KNTC1: variants seen among roughly 807,000 people sequenced by gnomAD.
The protein encoded by KNTC1 is kinetochore-associated protein 1.
A neutral mutation model predicts 314.4 loss-of-function variants in KNTC1; 253 were observed. The observed-to-expected ratio is 0.80, with a 90% CI of 0.73 to 0.89. The LOEUF (loss-of-function observed/expected upper bound fraction) is 0.89. Ranked by LOEUF, KNTC1 falls within the 40% of genes least tolerant of loss-of-function variation. The probability of loss-of-function intolerance (pLI) is 0.00; values close to 1 mark genes in which losing one functional copy is unlikely to be tolerated. For synonymous variants in KNTC1, 901 were observed against 901.4 expected (o/e 1.00, Z 0.01); for missense variants, 2,475 against 2,572.9 (o/e 0.96, Z 0.82).
intron 20 of KNTC1, among the ~76,000 whole-genome samples, chr12:122,567,142 C>T (rs1017782460): frequency 2.6e-5 from 4 of 152,094 alleles, no homozygotes; most frequent in Middle Eastern, 3.4e-3. Flanking sequence ...GACATGATCT[C>T]GGCTCACTGC....
chr12:122,624,485 C>T lies in KNTC1; in HGVS notation c.6516-113C>T, dbSNP rs899784315. The T allele has an allele frequency of 1.1e-5, 7 of 637,182 alleles. No individual in the cohort carries two copies. In the East Asian group the frequency reaches 1.8e-4, roughly 16 times the overall value. 39.5% of individuals were successfully genotyped at this position (637,182 alleles called of 1,614,324 possible). On this transcript the variant is annotated intron_variant, in intron 62 of 63. Coordinates refer to ENST00000333479, the MANE Select transcript of KNTC1 (RefSeq NM_014708.6). ...GCTTTGCCATGTTGCCCAGGCTAGT[C>T]TCAAACTCCTGGACCCAAGCCATCT...
At position 122,569,840 on chromosome 12, in the gene KNTC1, T is replaced by TA. The variant is rs1313535954; in HGVS notation, c.1860+17dup. 6.3e-7 allele frequency: 1 copy of TA among 1,595,156 alleles called. No homozygotes were observed. Among genetic ancestry groups the TA allele is most frequent in the Non-Finnish European group, 8.5e-7 (1 of 1,171,456 alleles). Reference sequence around the variant, plus strand: ...TGAAGGACAGGTGAGTTGTCTTCAGTATTTCCACTCTTGATGACTTTATTT... The same window carrying TA: ...TGAAGGACAGGTGAGTTGTCTTCAGTAATTTCCACTCTTGATGACTTTATTT... On this transcript the variant is annotated intron_variant, in intron 22 of 63. Coordinates refer to ENST00000333479, the MANE Select transcript of KNTC1 (RefSeq NM_014708.6).
At chr12:122,567,031 G>C (rs1044324750) in intron 20 of KNTC1, among the ~76,000 whole-genome samples, 2 of 151,574 alleles carry the variant, frequency 1.3e-5, no homozygotes, top group Non-Finnish European at 2.9e-5. Flanking sequence ...CACTGTGGCT[G>C]GCTGCCATCT....
chr12:122,603,351 CT>C, intron 48 of KNTC1, 108 bp downstream of exon 48: 1 of 836,842 alleles, frequency 1.2e-6, no homozygotes, highest in Non-Finnish European at 1.8e-6. Context: ...TGCTTGCTCT[CT>C]TAACTGTGGT....
intron 43 of KNTC1, 181 bp from the exon 44 acceptor site, chr12:122,597,550 T>A: frequency 1.7e-6 from 1 of 599,330 alleles, no homozygotes; most frequent in Non-Finnish European, 3.0e-6. Flanking sequence ...CCCGGCCTAA[T>A]ATCTGATTTT....
intron 16 of KNTC1, among the ~76,000 whole-genome samples, chr12:122,554,064 T>TTAA: frequency 1.6e-5 from 2 of 122,554 alleles, no homozygotes; most frequent in East Asian, 4.7e-4. Flanking sequence ...AATACTTCCT[T>TTAA]AAAAAAAAAA....
At chr12:122,534,319 T>G (rs577356190) in intron 2 of KNTC1, among the ~76,000 whole-genome samples, 60 of 152,272 alleles carry the variant, frequency 3.9e-4, no homozygotes, top group African/African-American at 1.4e-3. Context: ...TTCCCCTGCC[T>G]AGCGTATCCA....
intron 63 of KNTC1, among the ~76,000 whole-genome samples, chr12:122,625,093 G>A (rs1477275997): frequency 4.6e-5 from 7 of 151,986 alleles, no homozygotes; most frequent in Admixed American, 4.6e-4. Flanking sequence ...TACCTAAAAC[G>A]TATATTCACT....
intron 20 of KNTC1, among the ~76,000 whole-genome samples, chr12:122,566,328 A>T (rs1410356935): frequency 6.6e-6 from 1 of 150,830 alleles, no homozygotes; most frequent in Non-Finnish European, 1.5e-5. Flanking sequence ...ACTCTGGCTC[A>T]CTGCAGCCTC....
At chr12:122,586,598 C>A (rs1869344426) in intron 37 of KNTC1, 103 bp from the exon 38 acceptor site, 1 of 317,482 alleles carries the variant, frequency 3.1e-6, no homozygotes, top group Admixed American at 4.9e-5. Flanking sequence ...TTAAGGGGTC[C>A]AAGTGCTATT....
chr12:122,529,983 G>C lies in KNTC1; in HGVS notation c.-73-8G>C, dbSNP rs1032449639. 13 of 1,445,350 alleles carry C rather than the reference G, an allele frequency of 9.0e-6. No homozygotes were observed. The African/African-American group carries it at 1.7e-4, about 19-fold the overall frequency. 89.5% of individuals were successfully genotyped at this position (1,445,350 alleles called of 1,614,324 possible). On this transcript the variant is annotated splice_region_variant and splice_polypyrimidine_tract_variant and intron_variant, in intron 1 of 63. Coordinates refer to ENST00000333479, the MANE Select transcript of KNTC1 (RefSeq NM_014708.6). The stretch of plus-strand genomic sequence containing the variant: ...CATTTCCCAAGGAACCAGGTTCTAT[G>C]CAACAAGATAATATGGTGTCTAATT...
intron 45 of KNTC1, among the ~76,000 whole-genome samples, chr12:122,602,241 A>G (rs1328483359): frequency 6.6e-6 from 1 of 152,112 alleles, no homozygotes; most frequent in Admixed American, 6.5e-5. Flanking sequence ...TTAGATCTGT[A>G]GCCTCTATAT....
At chr12:122,529,216 T>G (rs1004366330) in intron 1 of KNTC1, among the ~76,000 whole-genome samples, 2 of 152,182 alleles carry the variant, frequency 1.3e-5, no homozygotes, top group African/African-American at 4.8e-5. Flanking sequence ...CAAGGACAGC[T>G]GCCTAGTCAT....
chr12:122,547,375 C>T, intron 10 of KNTC1, 40 bp from the exon 11 acceptor site: 1 of 1,288,886 alleles, frequency 7.8e-7, no homozygotes, highest in Non-Finnish European at 1.1e-6. Flanking sequence ...AACTCTGTCT[C>T]AAAAAAAAAG....
chr12:122,558,275 G>A (rs985261015), intron 18 of KNTC1, among the ~76,000 whole-genome samples: 5 of 147,540 alleles, frequency 3.4e-5, no homozygotes, highest in Non-Finnish European at 3.0e-5. Context: ...GGCTATGTGC[G>A]GTGGCTTACT....
intron 43 of KNTC1, 40 bp from the exon 44 acceptor site, chr12:122,597,691 G>T: frequency 6.5e-7 from 1 of 1,538,346 alleles, no homozygotes; most frequent in Non-Finnish European, 9.0e-7. Context: ...GGAAATGCCT[G>T]CAGTTTGGGA....
Position 122,602,660 on chromosome 12 carries a change from C to T in KNTC1, c.4745C>T (p.Thr1582Ile). 1 of 1,613,358 alleles carries T rather than the reference C, an allele frequency of 6.2e-7. No individual in the cohort carries two copies. Among genetic ancestry groups the T allele is most frequent in the Non-Finnish European group, 8.5e-7 (1 of 1,179,306 alleles). The part of the protein sequence containing the change: ...EYQYMLEHVI[T>I]LPSAAQTRLP... ...CAGTATATGTTGGAACATGTCATAA[C>T]TTTGCCATCAGCTGCCCAAACTAGA... Residue 1582 changes from threonine to isoleucine, a missense_variant, in exon 46 of 64, where the codon ACT (threonine) becomes ATT (isoleucine). Thr to Ile is a moderately conservative substitution (Grantham distance 89, BLOSUM62 -1). Coordinates refer to ENST00000333479, the MANE Select transcript of KNTC1 (RefSeq NM_014708.6).
In KNTC1 at chr12:122,587,789, T is replaced by C. The variant is rs563495095; in HGVS notation, c.3809T>C (p.Leu1270Pro). ...CTTCAGGAATCTAGCCAGTGGGAGC[T>C]AGCCCTAAGATTTGTGGTTGGTTCA... ...QNLQESSQWE[L>P]ALRFVVGSFG... The change falls in exon 39 of 64, where the codon CTA becomes CCA. Residue 1270 changes from leucine (L) to proline (P), a missense_variant. Transcript: ENST00000333479. 5 of 1,613,852 alleles carry C rather than the reference T, an allele frequency of 3.1e-6. No individual in the cohort carries two copies. The African/African-American group carries it at 5.3e-5, about 17-fold the overall frequency.
chr12:122,569,922 T>A, intron 22 of KNTC1, 98 bp downstream of exon 22: 1 of 1,020,832 alleles, frequency 9.8e-7, no homozygotes, highest in Non-Finnish European at 1.4e-6. Flanking sequence ...TTAACACCAG[T>A]TAGTTAAGCT....
Sources: allele counts gnomAD v4.1 joint callset (sites outside exome capture counted in the v4.1 genomes callset), GRCh38; gene constraint gnomAD v4.1.1; transcripts MANE v1.5; gene names NCBI Gene and HGNC (gene_info 2026-07-23, HGNC 2026-07-21).